PSORS1C1: variants seen among roughly 807,000 people sequenced by gnomAD.
PSORS1C1 encodes the protein psoriasis susceptibility 1 candidate 1.
A neutral mutation model predicts 9.4 loss-of-function variants in PSORS1C1; 7 were observed. The observed-to-expected ratio is 0.75, with a 90% CI of 0.42 to 1.40. The LOEUF is 1.40. Among genes scored for constraint, PSORS1C1 ranks in the 40% most tolerant of loss-of-function variants. PSORS1C1 has a pLI of 0.01. For missense variants in PSORS1C1, 146 were observed against 178.1 expected (o/e 0.82, Z 1.02); for synonymous variants, 63 against 69.4 (o/e 0.91, Z 0.46).
chr6:31,132,453 C>T (rs1331358952), intron 3 of PSORS1C1, among the ~76,000 whole-genome samples: 3 of 126,216 alleles, frequency 2.4e-5, no homozygotes, highest in African/African-American at 8.0e-5. Context: ...ACTCAGGAGG[C>T]GGAGATTGCA....
intron 1 of PSORS1C1, 106 bp downstream of exon 1, chr6:31,114,997 C>T (rs1772029691): frequency 9.5e-6 from 4 of 420,646 alleles, no homozygotes; most frequent in Admixed American, 5.4e-5. Context: ...GGGGACCCCA[C>T]GGTGAATGAG....
Position 31,139,544 on chromosome 6 carries a change from C to A in PSORS1C1, c.168-97C>A. On this transcript the variant is annotated intron_variant, in intron 5 of 5. Transcript: ENST00000259881. The surrounding 1 kb of genome is among the most constrained non-coding windows in gnomAD (Gnocchi z 5.2). Reference sequence around the variant, plus strand: ...CTACCCCAGCCTCCCCACTCACCCCCGCACTGAAAGCTCCCCCTGGGGCTT... The same window carrying A: ...CTACCCCAGCCTCCCCACTCACCCCAGCACTGAAAGCTCCCCCTGGGGCTT... The A allele has an allele frequency of 8.1e-7, 1 of 1,241,710 alleles. No individual in the cohort carries two copies. Among genetic ancestry groups the A allele is most frequent in the Non-Finnish European group, 1.1e-6 (1 of 889,190 alleles). The allele number at this position is 1,241,710 out of a possible 1,614,324, so 76.9% of individuals were successfully genotyped here.
At chr6:31,120,354 C>T (rs751243454) in intron 1 of PSORS1C1, 6 of 1,590,390 alleles carry the variant, frequency 3.8e-6, no homozygotes, top group Admixed American at 3.5e-5. Flanking sequence ...GGAGACCAGC[C>T]AGCAGCAGTG....
chr6:31,134,520 T>C (rs1308082053), intron 3 of PSORS1C1, among the ~76,000 whole-genome samples: 3 of 152,118 alleles, frequency 2.0e-5, no homozygotes, highest in South Asian at 4.1e-4. Flanking sequence ...TTAGCCAGGA[T>C]GGTCTCGATC....
rs186072506 is a variant in PSORS1C1, at chr6:31,128,296, T to G, written c.-64-1273T>G. Among the ~76,000 whole-genome samples, 829 of 152,274 alleles carry G rather than the reference T, an allele frequency of 5.4e-3. 6 individuals carry two copies. The highest frequency in any genetic ancestry group is 0.01 in the Middle Eastern group (3 of 294). On this transcript the variant is annotated intron_variant, in intron 2 of 5. Coordinates refer to ENST00000259881, the MANE Select transcript of PSORS1C1 (RefSeq NM_014068.3). The surrounding 1 kb of genome is among the most constrained non-coding windows in gnomAD (Gnocchi z 4.3). ...GAGGAGTCTCTAGGCTGCCCTCTGGTGGCAGTTCTTGGAACAAGACCTGAG... is the reference window on the plus strand; with the variant it reads ...GAGGAGTCTCTAGGCTGCCCTCTGGGGGCAGTTCTTGGAACAAGACCTGAG...
rs532054080 is a variant in PSORS1C1 at position 31,138,193 on chromosome 6, C to A, written c.14-237C>A. 1.1e-5 allele frequency: 17 copies of A among 1,576,192 alleles called. No homozygotes were observed. In the South Asian group the frequency reaches 1.9e-4, roughly 18 times the overall value. On this transcript the variant is annotated intron_variant, in intron 3 of 5. Coordinates refer to ENST00000259881, the MANE Select transcript of PSORS1C1 (RefSeq NM_014068.3). ...GGAGGATCTTCAAAGAGAGGGGGTG[C>A]CCCTGGCCAAGGGTCACCGGGGACT...
chr6:31,137,563 T>C (rs531133669), intron 3 of PSORS1C1: 132 of 251,704 alleles, frequency 5.2e-4, no homozygotes, highest in Non-Finnish European at 8.4e-4. Flanking sequence ...ATTTTTCCGT[T>C]TCATGGAAGC....
chr6:31,124,550 G>T (rs746388985), intron 1 of PSORS1C1, among the ~76,000 whole-genome samples: 1 of 152,204 alleles, frequency 6.6e-6, no homozygotes, highest in African/African-American at 2.4e-5. Flanking sequence ...CTATTACTCT[G>T]CAGCTGACAC....
chr6:31,118,980 C>T (rs1316217070), intron 1 of PSORS1C1, among the ~76,000 whole-genome samples: 1 of 151,268 alleles, frequency 6.6e-6, no homozygotes, highest in Admixed American at 6.6e-5. Context: ...GTAGCTGGGA[C>T]CACAGGTGCC....
intron 2 of PSORS1C1, 34 bp from the exon 3 acceptor site, chr6:31,129,535 C>A (rs994742924): frequency 2.6e-5 from 20 of 766,998 alleles, no homozygotes; most frequent in Non-Finnish European, 4.6e-5. Context: ...ATGCCTCCCC[C>A]TTCTCTTTCC....
At chr6:31,138,593 A>C (rs1177447808) in intron 4 of PSORS1C1, 63 bp from the exon 5 acceptor site, 1 of 1,611,186 alleles carries the variant, frequency 6.2e-7, no homozygotes, top group South Asian at 1.1e-5. Context: ...TGGTTGGGGT[A>C]CCCCACTAGC....
chr6:31,129,017 T>TC (rs1772796638), intron 2 of PSORS1C1, among the ~76,000 whole-genome samples: 1 of 152,178 alleles, frequency 6.6e-6, no homozygotes. Context: ...GTTTGGAGTT[T>TC]CCCTGGCCAG....
chr6:31,117,686 C>G, intron 1 of PSORS1C1: 1 of 676,698 alleles, frequency 1.5e-6, no homozygotes, highest in Non-Finnish European at 2.6e-6. Flanking sequence ...GCTATTGTCT[C>G]TAAAGGATAT....
rs1772066531 is a variant in PSORS1C1, at chr6:31,115,613, G to A, written c.-229+722G>A. ...GTTTGACTTTGCTTTATTTGGTAAA[G>A]GGGAAGAGGAAGGTATAACTTCTTC... On this transcript the variant is annotated intron_variant, in intron 1 of 5. Coordinates refer to ENST00000259881, the MANE Select transcript of PSORS1C1 (RefSeq NM_014068.3). This position sits in a 1 kb window ranked among gnomAD's most constrained non-coding sequence, Gnocchi z 4.2. 4.7e-6 allele frequency: 1 copy of A among 211,576 alleles called. No homozygotes were observed. Among genetic ancestry groups the A allele is most frequent in the Non-Finnish European group, 9.5e-6 (1 of 105,420 alleles). 13.1% of individuals were successfully genotyped at this position (211,576 alleles called of 1,614,324 possible).
At chr6:31,114,981 G>T (rs1467390046) in intron 1 of PSORS1C1, 90 bp downstream of exon 1, 1 of 438,910 alleles carries the variant, frequency 2.3e-6, no homozygotes, top group Non-Finnish European at 4.6e-6. Flanking sequence ...CCTAAATAAG[G>T]GGAAGGGGGA....
intron 1 of PSORS1C1, among the ~76,000 whole-genome samples, chr6:31,121,725 C>T (rs1645141961): frequency 6.6e-6 from 1 of 152,194 alleles, no homozygotes; most frequent in African/African-American, 2.4e-5. Context: ...CCCTGGGCCC[C>T]TTGGCCTGGT....
intron 3 of PSORS1C1, among the ~76,000 whole-genome samples, chr6:31,131,320 G>A (rs1260579830): frequency 2.0e-5 from 3 of 152,150 alleles, no homozygotes; most frequent in African/African-American, 7.2e-5. Flanking sequence ...TGGGCCAGGC[G>A]CGGTGGCTTA....
intron 1 of PSORS1C1, chr6:31,117,608 C>A: frequency 1.6e-6 from 2 of 1,231,900 alleles, no homozygotes; most frequent in Non-Finnish European, 2.3e-6. Context: ...TCTCAGTCAT[C>A]GGCCTCTCGG....
intron 3 of PSORS1C1, chr6:31,137,984 T>C: frequency 1.3e-6 from 2 of 1,512,656 alleles, no homozygotes; most frequent in African/African-American, 1.4e-5. Context: ...GGTCTAGGTC[T>C]GGCTCCTCCT....
Sources: allele counts gnomAD v4.1 joint callset (sites outside exome capture counted in the v4.1 genomes callset), GRCh38; gene constraint gnomAD v4.1.1; non-coding constraint Gnocchi (gnomAD v3.1); transcripts MANE v1.5; gene names NCBI Gene and HGNC (gene_info 2026-07-23, HGNC 2026-07-21).